TF: variants seen among roughly 807,000 people sequenced by gnomAD.
TF encodes transferrin.
In TF, 55 loss-of-function variants were observed where a neutral mutation model predicts 82.4. That is an observed-to-expected ratio of 0.67 (90% CI 0.54 to 0.84). The LOEUF is 0.84. Ranked by LOEUF, TF falls within the 40% of genes least tolerant of loss-of-function variation. The pLI is 0.00. For missense variants in TF, 737 were observed against 868.4 expected (o/e 0.85, Z 1.90); for synonymous variants, 332 against 332.6 (o/e 1.00, Z 0.02).
In TF at chr3:133,757,724, C is replaced by T. The variant is rs1309710665; in HGVS notation, c.871-45C>T. 1.9e-6 allele frequency: 3 copies of T among 1,568,620 alleles called. No individual in the cohort carries two copies. In the South Asian group the frequency reaches 3.3e-5, roughly 17 times the overall value. On this transcript the variant is annotated intron_variant, in intron 7 of 16. Transcript: ENST00000402696. ...CTCTTCAGTCCCATTTCTCAGCCTC[C>T]TTTCTTCTGTGTTGCCATCCACTAT...
chr3:133,672,744 G>A, the TF span, among the ~76,000 whole-genome samples: 2 of 140,886 alleles, frequency 1.4e-5, no homozygotes, highest in Non-Finnish European at 3.1e-5. Context: ...GGGAGGGGAA[G>A]GGGAGGGAAA....
the TF span, among the ~76,000 whole-genome samples, chr3:133,729,103 G>A: frequency 6.6e-6 from 1 of 152,190 alleles, no homozygotes; most frequent in Non-Finnish European, 1.5e-5. Flanking sequence ...TGGGGGTCAG[G>A]GGTCAGAGGG....
chr3:133,767,621 C>T (rs1425553841), intron 12 of TF, among the ~76,000 whole-genome samples: 3 of 152,212 alleles, frequency 2.0e-5, no homozygotes, highest in Non-Finnish European at 2.9e-5. Flanking sequence ...CATCCCTTTC[C>T]TGAGGTTGGA....
intron 2 of TF, among the ~76,000 whole-genome samples, chr3:133,750,563 A>C (rs191279937): frequency 8.6e-5 from 13 of 152,046 alleles, no homozygotes; most frequent in South Asian, 6.2e-4. Flanking sequence ...TTGCTTGATT[A>C]TAATCCTGTC....
the TF span, among the ~76,000 whole-genome samples, chr3:133,684,038 A>T: frequency 6.6e-6 from 1 of 152,252 alleles, no homozygotes; most frequent in Non-Finnish European, 1.5e-5. Context: ...AGAACTCAGG[A>T]TTAAGAAACT....
At chr3:133,733,341 C>T in the TF span, among the ~76,000 whole-genome samples, 4 of 152,134 alleles carry the variant, frequency 2.6e-5, no homozygotes, top group Admixed American at 6.5e-5. Context: ...GCACAAAACT[C>T]GTGTGTCCCC....
At chr3:133,710,597 A>C in the TF span, among the ~76,000 whole-genome samples, 31,282 of 151,972 alleles carry the variant, frequency 0.21, 3,474 homozygotes, top group Middle Eastern at 0.29. Flanking sequence ...CCCCTGCCAA[A>C]ACTGCGGGCC....
chr3:133,756,001 T>C (rs1191456974), intron 5 of TF, among the ~76,000 whole-genome samples: 1 of 152,220 alleles, frequency 6.6e-6, no homozygotes, highest in Non-Finnish European at 1.5e-5. Context: ...GGAGACACTA[T>C]ACCATTATCT....
At chr3:133,729,781 G>C in the TF span, among the ~76,000 whole-genome samples, 3 of 152,050 alleles carry the variant, frequency 2.0e-5, no homozygotes, top group Admixed American at 2.0e-4. Flanking sequence ...GACTGGAGCT[G>C]TTCCTATTCG....
chr3:133,695,962 T>C, the TF span, among the ~76,000 whole-genome samples: 1 of 152,160 alleles, frequency 6.6e-6, no homozygotes, highest in Non-Finnish European at 1.5e-5. Flanking sequence ...CGAAATTCTA[T>C]CACACTATCA....
the TF span, among the ~76,000 whole-genome samples, chr3:133,663,399 C>A: frequency 8.2e-6 from 1 of 122,600 alleles, no homozygotes; most frequent in Admixed American, 9.8e-5. Flanking sequence ...AATCAATTAA[C>A]ACTGGGGCTC....
intron 1 of TF, among the ~76,000 whole-genome samples, chr3:133,747,744 A>G (rs12493168): frequency 0.11 from 16,106 of 152,230 alleles, 1,232 homozygotes; most frequent in Admixed American, 0.16. Context: ...AGTTCTTCCT[A>G]AACAGAGAGC....
At chr3:133,744,889 A>G (rs1425550485), upstream of TF, among the ~76,000 whole-genome samples, 1 of 152,180 alleles carries the variant, frequency 6.6e-6, no homozygotes, top group Non-Finnish European at 1.5e-5. Flanking sequence ...AATTGGCCCT[A>G]TCTCCCACCT....
the TF span, among the ~76,000 whole-genome samples, chr3:133,668,464 C>T: frequency 6.6e-6 from 1 of 152,186 alleles, no homozygotes; most frequent in African/African-American, 2.4e-5. Context: ...GCCTGCCCAA[C>T]TTCAAAATTG....
the TF span, among the ~76,000 whole-genome samples, chr3:133,715,178 C>T: frequency 6.6e-6 from 1 of 152,162 alleles, no homozygotes; most frequent in African/African-American, 2.4e-5. Flanking sequence ...TATCTCTAGT[C>T]CTCCCACTAC....
At chr3:133,708,770 G>T in the TF span, among the ~76,000 whole-genome samples, 2 of 145,150 alleles carry the variant, frequency 1.4e-5, no homozygotes, top group Non-Finnish European at 3.0e-5. Context: ...AAATGTATAG[G>T]TTTTTTTTTT....
chr3:133,684,569 TAA>T, the TF span, among the ~76,000 whole-genome samples: 3 of 152,140 alleles, frequency 2.0e-5, no homozygotes, highest in African/African-American at 7.2e-5. Context: ...GAGAATACTA[TAA>T]ATACCTCTAA....
chr3:133,762,292 C>T (rs967665455), intron 9 of TF: 10 of 177,284 alleles, frequency 5.6e-5, no homozygotes, highest in Middle Eastern at 1.1e-3. Context: ...ACTAACAGAA[C>T]TAACTTGAAA....
the TF span, among the ~76,000 whole-genome samples, chr3:133,730,088 A>T: frequency 6.6e-6 from 1 of 152,072 alleles, no homozygotes; most frequent in South Asian, 2.1e-4. Flanking sequence ...ATGAGCTTCT[A>T]TCTCAAGTTC....
Sources: gnomAD v4.1 joint callset for allele counts (sites outside exome capture counted in the v4.1 genomes callset) on GRCh38, gnomAD v4.1.1 for gene constraint, MANE v1.5 for transcripts, NCBI Gene and HGNC (gene_info 2026-07-23, HGNC 2026-07-21) for gene names.